The following GLB1 variants were observed in gnomAD, a reference collection of about 807,000 sequenced individuals.
GLB1 encodes the protein beta-galactosidase.
A neutral mutation model predicts 74.0 loss-of-function variants in GLB1; 56 were observed. The ratio of observed to expected loss-of-function variants is 0.76; its 90% CI spans 0.61 to 0.94. The LOEUF (loss-of-function observed/expected upper bound fraction) is 0.94. Ranked by LOEUF, GLB1 falls within the 40% of genes least tolerant of loss-of-function variation. The pLI is 0.00. For missense variants in GLB1, 787 were observed against 845.5 expected (o/e 0.93, Z 0.86); for synonymous variants, 323 against 323.6 (o/e 1.00, Z 0.02).
the GLB1 span, among the ~76,000 whole-genome samples, chr3:32,965,324 A>G: frequency 6.6e-6 from 1 of 152,350 alleles, no homozygotes; most frequent in East Asian, 1.9e-4. Flanking sequence ...GATATGGACA[A>G]TAAAGCCCAG....
At chr3:33,000,761 A>G (rs190908752) in intron 15 of GLB1, among the ~76,000 whole-genome samples, 2 of 152,232 alleles carry the variant, frequency 1.3e-5, no homozygotes, top group Admixed American at 1.3e-4. Context: ...AAAAAACCCA[A>G]CAATATTATA....
chr3:33,045,003 C>T (rs1324719508), intron 10 of GLB1, among the ~76,000 whole-genome samples: 1 of 145,980 alleles, frequency 6.9e-6, no homozygotes, highest in Non-Finnish European at 1.5e-5. Context: ...GACATCTGCA[C>T]CATGCTTCAC....
At chr3:32,977,282 C>T in the GLB1 span, among the ~76,000 whole-genome samples, 1 of 151,282 alleles carries the variant, frequency 6.6e-6, no homozygotes, top group African/African-American at 2.4e-5. Context: ...TCTCGGCTCA[C>T]TGCAATCTCC....
chr3:32,965,213 G>A, the GLB1 span, among the ~76,000 whole-genome samples: 1 of 152,210 alleles, frequency 6.6e-6, no homozygotes. Context: ...ACAGGCAGAG[G>A]TTGGAACAGT....
intron 1 of GLB1, chr3:33,096,411 C>T (rs1701030453): frequency 1.0e-6 from 1 of 969,800 alleles, no homozygotes; most frequent in South Asian, 4.8e-5. Context: ...CCCCCTCAAC[C>T]TGGACCCCCA....
chr3:33,097,135 C>T lies in GLB1; in HGVS notation c.-50G>A. The T allele has an allele frequency of 1.2e-6, 2 of 1,602,240 alleles. No individual in the cohort carries two copies. The highest frequency in any genetic ancestry group is 1.1e-5 in the South Asian group (1 of 89,776). On this transcript the variant is annotated 5_prime_UTR_variant, in exon 1 of 16. Coordinates refer to ENST00000307363, the MANE Select transcript of GLB1 (RefSeq NM_000404.4). ...GTCGGCGCCCAGGCCGGCCGCTTCG[C>T]GTCACTTGACTAAGGACCCACGGCC...
chr3:33,077,860 CAT>C (rs1700179224), intron 1 of GLB1, among the ~76,000 whole-genome samples: 1 of 150,166 alleles, frequency 6.7e-6, no homozygotes, highest in Non-Finnish European at 1.5e-5. Flanking sequence ...AAAAAAAAAA[CAT>C]AAAAATCCTT....
the GLB1 span, among the ~76,000 whole-genome samples, chr3:32,990,787 C>T: frequency 1.3e-5 from 2 of 152,258 alleles, no homozygotes; most frequent in African/African-American, 4.8e-5. Flanking sequence ...TCCTGGCTAA[C>T]ACGGTGAAAC....
At chr3:33,081,005 G>A (rs767671812) in intron 1 of GLB1, among the ~76,000 whole-genome samples, 98 of 152,220 alleles carry the variant, frequency 6.4e-4, no homozygotes, top group Admixed American at 9.8e-4. Flanking sequence ...GGCATGGAGA[G>A]AGGGGGAGCA....
In GLB1 at chr3:32,996,881, G is replaced by A. The variant is rs1171463149; in HGVS notation, c.*164C>T. ...TCACACATTCCAGGTGGTCCCTGAA[G>A]GTGGGGCTTTGGCACTGCAGGGATG... On this transcript the variant is annotated 3_prime_UTR_variant, in exon 16 of 16. Transcript: ENST00000307363. The A allele has an allele frequency of 7.6e-7, 1 of 1,307,280 alleles. No individual in the cohort carries two copies. Among genetic ancestry groups the A allele is most frequent in the East Asian group, 2.4e-5 (1 of 42,332 alleles). The allele number at this position is 1,307,280 out of a possible 1,614,324, so 81.0% of individuals were successfully genotyped here. A position where few individuals can be genotyped will look rare whatever the true frequency, so the allele number is the denominator to read the frequency against.
chr3:33,032,905 G>A (rs2125494022), intron 10 of GLB1, among the ~76,000 whole-genome samples: 1 of 152,336 alleles, frequency 6.6e-6, no homozygotes, highest in East Asian at 1.9e-4. Context: ...ACCATAACAA[G>A]CTAAGATCCT....
At chr3:33,039,289 CAAAA>C (rs35066652) in intron 10 of GLB1, among the ~76,000 whole-genome samples, 3 of 93,204 alleles carry the variant, frequency 3.2e-5, no homozygotes, top group Non-Finnish European at 6.4e-5. Context: ...GACTCTGTCT[CAAAA>C]AAAAAAAAAA....
intron 14 of GLB1, among the ~76,000 whole-genome samples, chr3:33,015,799 G>C (rs982292265): frequency 6.6e-6 from 1 of 152,188 alleles, no homozygotes; most frequent in South Asian, 2.1e-4. Context: ...CTGATCTCAA[G>C]AGGGTCAGGA....
Position 33,014,692 on chromosome 3 carries a change from C to T in GLB1, c.1480-382G>A, listed in dbSNP as rs184167159. Among the ~76,000 whole-genome samples the T allele has an allele frequency of 2.1e-3, 327 of 152,260 alleles. 1 individual carries two copies. The highest frequency in any genetic ancestry group is 3.0e-3 in the Non-Finnish European group (205 of 68,014). On this transcript the variant is annotated intron_variant, in intron 14 of 15. Transcript: ENST00000307363. ...TGGGCACCAAGAAAGATGGGCCAGG[C>T]GCAGTGGCTCATGCCTGTAATCCCA... is the stretch of plus-strand genomic sequence containing the variant.
chr3:33,034,652 T>C, intron 10 of GLB1: 1 of 730,566 alleles, frequency 1.4e-6, no homozygotes, highest in East Asian at 2.6e-5. Context: ...TGCGGGCAGG[T>C]CCATCACAGC....
chr3:32,965,680 TC>T, the GLB1 span, among the ~76,000 whole-genome samples: 1 of 152,200 alleles, frequency 6.6e-6, no homozygotes, highest in Non-Finnish European at 1.5e-5. Context: ...GAAAATGTCT[TC>T]AGGGGATATC....
At chr3:33,021,488 A>C (rs1199843553) in intron 12 of GLB1, 78 bp downstream of exon 12, 1 of 1,483,638 alleles carries the variant, frequency 6.7e-7, no homozygotes, top group East Asian at 2.3e-5. Flanking sequence ...CTGAATTCAG[A>C]ATGGGCACTG....
At chr3:33,087,583 ACAC>A (rs1700565684) in intron 1 of GLB1, among the ~76,000 whole-genome samples, 1 of 27,936 alleles carries the variant, frequency 3.6e-5, no homozygotes, top group Non-Finnish European at 8.7e-5. Context: ...ATGCGCGCAC[ACAC>A]ACACACACAC....
intron 1 of GLB1, chr3:33,094,339 T>A (rs1206041609): frequency 5.5e-6 from 8 of 1,454,950 alleles, no homozygotes; most frequent in Non-Finnish European, 7.3e-6. Flanking sequence ...TTGTGGGATA[T>A]TAGAGTGTCC....
Sources: gnomAD v4.1 joint callset for allele counts (sites outside exome capture counted in the v4.1 genomes callset) on GRCh38, gnomAD v4.1.1 for gene constraint, MANE v1.5 for transcripts, NCBI Gene and HGNC (gene_info 2026-07-23, HGNC 2026-07-21) for gene names.